The following RMC1 variants were observed in gnomAD, a reference collection of about 807,000 sequenced individuals.
RMC1 encodes the protein regulator of MON1-CCZ1.
Under a neutral mutation model 95.5 loss-of-function variants are expected in RMC1, and 44 were observed. The observed-to-expected ratio is 0.46, with a 90% confidence interval of 0.36 to 0.59. RMC1 has a LOEUF of 0.59. RMC1 is among the 20% of genes least tolerant of loss of function. The pLI is 0.00. For synonymous variants in RMC1, 320 were observed against 303.6 expected (o/e 1.05, Z -0.56); for missense variants, 705 against 819.6 (o/e 0.86, Z 1.71).
intron 12 of RMC1, 130 bp downstream of exon 12, chr18:23,524,612 T>A (rs2058239359): frequency 1.9e-6 from 1 of 524,892 alleles, no homozygotes; most frequent in Admixed American, 3.7e-5. Flanking sequence ...GGGAATGGGA[T>A]TTTTTTTTTT....
intron 18 of RMC1, 31 bp downstream of exon 18, chr18:23,530,328 G>A: frequency 6.2e-7 from 1 of 1,614,130 alleles, no homozygotes; most frequent in Non-Finnish European, 8.5e-7. Context: ...TTTAGACTAT[G>A]GAAACTAACT....
rs893866795 is a variant in RMC1 at position 23,503,773 on chromosome 18, G to A, written c.102+53G>A. 1.3e-6 allele frequency: 2 copies of A among 1,505,132 alleles called. 1 individual carries two copies. Among genetic ancestry groups the A allele is most frequent in the South Asian group, 2.4e-5 (2 of 84,120 alleles). The allele number at this position is 1,505,132 out of a possible 1,614,324, so 93.2% of individuals were successfully genotyped here. A position where few individuals can be genotyped will look rare whatever the true frequency, so the allele number is the denominator to read the frequency against. ...GCGCGGCCCTGCCGGGGTCGTGGGC[G>A]CGCCAAGGCCGGTCCCGCGCGACCA... On this transcript the variant is annotated intron_variant, in intron 1 of 19. Transcript: ENST00000269221.
intron 2 of RMC1, among the ~76,000 whole-genome samples, chr18:23,505,658 T>C (rs973175161): frequency 2.6e-5 from 4 of 152,160 alleles, no homozygotes; most frequent in African/African-American, 9.7e-5. Context: ...AGGGATGCTA[T>C]GGAGAGTAGC....
intron 3 of RMC1, 47 bp downstream of exon 3, chr18:23,507,101 A>G: frequency 7.4e-7 from 1 of 1,344,040 alleles, no homozygotes; most frequent in Non-Finnish European, 1.0e-6. Flanking sequence ...TTAGAAATAC[A>G]TTTGGAAGAG....
At chr18:23,504,753 G>A (rs1225690379) in intron 2 of RMC1, 2 of 251,322 alleles carry the variant, frequency 8.0e-6, no homozygotes, top group Non-Finnish European at 1.6e-5. Flanking sequence ...GTTCACAGAG[G>A]AGGGCGTTCA....
intron 10 of RMC1, among the ~76,000 whole-genome samples, chr18:23,521,691 CTCTCT>C (rs1371175210): frequency 4.2e-5 from 3 of 71,662 alleles, no homozygotes; most frequent in Non-Finnish European, 5.1e-5. Context: ...CACACACTCT[CTCTCT>C]TTTTTTTTTT....
In RMC1 at chr18:23,527,806, TCAGA is replaced by T. The variant is rs2058350493; in HGVS notation, c.1206_1209del (p.Asp402GlufsTer6). 3.7e-6 allele frequency: 6 copies of T among 1,613,800 alleles called. No individual in the cohort carries two copies. Among genetic ancestry groups the T allele is most frequent in the South Asian group, 1.1e-5 (1 of 91,080 alleles). On this transcript the variant is annotated frameshift_variant, in exon 14 of 20. Coordinates refer to ENST00000269221, the MANE Select transcript of RMC1 (RefSeq NM_013326.5). LOFTEE classifies it high-confidence loss of function. ...TTGTGCCTTTCCAGTGTTAAGTGAG[TCAGA>T]CAGAGCATCGCTGCCCGTGATAGCC...
intron 13 of RMC1, among the ~76,000 whole-genome samples, chr18:23,527,381 G>A (rs1016639985): frequency 4.6e-5 from 7 of 151,906 alleles, no homozygotes; most frequent in Non-Finnish European, 8.8e-5. Context: ...CTGGGCGACA[G>A]AGCAAGACCC....
At chr18:23,510,741 T>C (rs1405173727) in intron 5 of RMC1, among the ~76,000 whole-genome samples, 1 of 151,970 alleles carries the variant, frequency 6.6e-6, no homozygotes, top group Non-Finnish European at 1.5e-5. Context: ...ACATCACTGA[T>C]CATTAGAGAA....
chr18:23,503,787 C>A (rs2057650235), intron 1 of RMC1, 67 bp downstream of exon 1: 2 of 1,354,920 alleles, frequency 1.5e-6, no homozygotes, highest in South Asian at 2.8e-5. Flanking sequence ...CAAGGCCGGT[C>A]CCGCGCGACC....
At chr18:23,519,220 C>A in intron 9 of RMC1, 46 bp downstream of exon 9, 1 of 1,563,350 alleles carries the variant, frequency 6.4e-7, no homozygotes, top group Non-Finnish European at 8.8e-7. Flanking sequence ...TGCTTAAAAG[C>A]CTTGTGAAAA....
At position 23,509,317 on chromosome 18, in the gene RMC1, C is replaced by A. The variant is rs745678759; in HGVS notation, c.408+38C>A. 3.9e-6 allele frequency: 4 copies of A among 1,027,126 alleles called. No individual in the cohort carries two copies. In the South Asian group the frequency reaches 1.0e-4, roughly 26 times the overall value. The allele number at this position is 1,027,126 out of a possible 1,614,324, so 63.6% of individuals were successfully genotyped here. A position where few individuals can be genotyped will look rare whatever the true frequency, so the allele number is the denominator to read the frequency against. ...TCATTTATGTTTGTTGGTTAAAGTT[C>A]AGTGATAGCATTCTGGCAGCCTTTT... On this transcript the variant is annotated intron_variant, in intron 5 of 19. Coordinates refer to ENST00000269221, the MANE Select transcript of RMC1 (RefSeq NM_013326.5).
At chr18:23,529,817 C>T in intron 16 of RMC1, 105 bp downstream of exon 16, 1 of 1,214,072 alleles carries the variant, frequency 8.2e-7, no homozygotes, top group Non-Finnish European at 1.2e-6. Context: ...GGTCTGCCTC[C>T]CTGACTCAGA....
chr18:23,506,885 A>ATAGAT, intron 2 of RMC1, 85 bp from the exon 3 acceptor site: 1 of 954,724 alleles, frequency 1.0e-6, no homozygotes, highest in South Asian at 1.4e-5. Context: ...CCTCCTGAAT[A>ATAGAT]TAGATTGTGT....
At chr18:23,511,837 A>G (rs2057866721) in intron 5 of RMC1, among the ~76,000 whole-genome samples, 2 of 151,950 alleles carry the variant, frequency 1.3e-5, no homozygotes, top group African/African-American at 4.8e-5. Context: ...ACACTTCTTT[A>G]TATTAGAGGG....
At chr18:23,507,411 A>T (rs2057743049) in intron 3 of RMC1, among the ~76,000 whole-genome samples, 1 of 151,726 alleles carries the variant, frequency 6.6e-6, no homozygotes, top group Non-Finnish European at 1.5e-5. Flanking sequence ...AATAATTTGG[A>T]ACTTCATGTG....
intron 6 of RMC1, 44 bp downstream of exon 6, chr18:23,516,040 T>TC (rs765088265): frequency 2.3e-5 from 37 of 1,612,788 alleles, no homozygotes; most frequent in Non-Finnish European, 3.0e-5. Context: ...TCCCCAGTTG[T>TC]CCCCTGTTCC....
At chr18:23,528,705 C>G (rs1242487473) in intron 14 of RMC1, 1 of 154,906 alleles carries the variant, frequency 6.5e-6, no homozygotes, top group Non-Finnish European at 1.4e-5. Flanking sequence ...ATCAGTAGGT[C>G]TGATCCCAAA....
At chr18:23,516,494 T>TA (rs2058008644) in intron 7 of RMC1, 71 bp downstream of exon 7, 1 of 1,508,786 alleles carries the variant, frequency 6.6e-7, no homozygotes, top group South Asian at 1.1e-5. Context: ...AGGAGTGTGT[T>TA]ACAAGCACCA....
Sources: allele counts gnomAD v4.1 joint callset (sites outside exome capture counted in the v4.1 genomes callset), GRCh38; gene constraint gnomAD v4.1.1; transcripts MANE v1.5; gene names NCBI Gene and HGNC (gene_info 2026-07-23, HGNC 2026-07-21).